Variants in SPAG9 observed in about 807,000 individuals in gnomAD.
The protein encoded by SPAG9 is sperm associated antigen 9, also known as C-Jun-amino-terminal kinase-interacting protein 4.
A neutral mutation model predicts 166.5 loss-of-function variants in SPAG9; 35 were observed. The ratio of observed to expected loss-of-function variants is 0.21; its 90% CI spans 0.16 to 0.28. SPAG9 has a LOEUF of 0.28. Ranked by LOEUF, SPAG9 falls within the 10% of genes least tolerant of loss-of-function variation. The pLI is 1.00. For synonymous variants in SPAG9, 534 were observed against 565.5 expected, an observed-to-expected ratio of 0.94 and a Z score of 0.79; for missense variants, 1,235 against 1,603.3, an observed-to-expected ratio of 0.77 and a Z score of 3.92.
intron 9 of SPAG9, chr17:51,007,888 A>G (rs564813375): frequency 2.3e-6 from 1 of 438,876 alleles, no homozygotes; most frequent in Non-Finnish European, 4.6e-6. Flanking sequence ...GCAAAAACAA[A>G]GAACAAGAAA....
At chr17:51,078,187 A>G (rs2048069035) in intron 2 of SPAG9, among the ~76,000 whole-genome samples, 2 of 152,186 alleles carry the variant, frequency 1.3e-5, no homozygotes, top group South Asian at 2.1e-4. Context: ...CCACAAGGCT[A>G]AAAACACAAA....
chr17:51,055,194 AATAC>A (rs2047328793), intron 3 of SPAG9, among the ~76,000 whole-genome samples: 1 of 152,120 alleles, frequency 6.6e-6, no homozygotes, highest in Non-Finnish European at 1.5e-5. Context: ...CTATATTAAA[AATAC>A]AAAAGTTAGC....
intron 2 of SPAG9, among the ~76,000 whole-genome samples, chr17:51,064,814 T>C (rs774531429): frequency 3.9e-5 from 6 of 152,120 alleles, no homozygotes; most frequent in Admixed American, 6.6e-5. Flanking sequence ...AACCGCTGAA[T>C]TGTACACTTC....
intron 1 of SPAG9, among the ~76,000 whole-genome samples, chr17:51,109,667 AAATT>A (rs1218855627): frequency 1.3e-5 from 2 of 152,196 alleles, no homozygotes; most frequent in African/African-American, 4.8e-5. Flanking sequence ...GTGCTCTTAA[AAATT>A]AATTCAAATT....
intron 13 of SPAG9, among the ~76,000 whole-genome samples, chr17:51,001,248 A>G (rs1410856468): frequency 6.6e-6 from 1 of 152,236 alleles, no homozygotes; most frequent in Non-Finnish European, 1.5e-5. Flanking sequence ...AGATGGCAGC[A>G]TTGGGTGAGA....
At chr17:50,977,009 C>A in intron 27 of SPAG9, 99 bp downstream of exon 27, 1 of 734,804 alleles carries the variant, frequency 1.4e-6, no homozygotes, top group East Asian at 2.5e-5. Flanking sequence ...TCTTTGCCAT[C>A]ACTGATTTTC....
intron 3 of SPAG9, among the ~76,000 whole-genome samples, chr17:51,049,803 G>A (rs2047132063): frequency 6.6e-6 from 1 of 152,122 alleles, no homozygotes; most frequent in South Asian, 2.1e-4. Flanking sequence ...TCACCATGTT[G>A]GCCAGGCTGG....
intron 1 of SPAG9, among the ~76,000 whole-genome samples, chr17:51,096,022 G>T (rs866273323): frequency 1.0e-5 from 1 of 95,270 alleles, no homozygotes; most frequent in Non-Finnish European, 2.1e-5. Flanking sequence ...TATATATAGT[G>T]ATATATATAT....
At chr17:51,065,621 C>T (rs1311267520) in intron 2 of SPAG9, among the ~76,000 whole-genome samples, 1 of 152,192 alleles carries the variant, frequency 6.6e-6, no homozygotes, top group East Asian at 1.9e-4. Context: ...CTAATGGCCC[C>T]CACTAAGGCT....
chr17:51,060,890 A>C (rs1261304237), intron 2 of SPAG9, among the ~76,000 whole-genome samples: 1 of 143,592 alleles, frequency 7.0e-6, no homozygotes, highest in African/African-American at 2.7e-5. Context: ...CTCTGTCCCC[A>C]GGCTGGAGTG....
intron 1 of SPAG9, among the ~76,000 whole-genome samples, chr17:51,083,162 T>C (rs1254098840): frequency 6.6e-6 from 1 of 152,152 alleles, no homozygotes; most frequent in East Asian, 1.9e-4. Flanking sequence ...CCAGTGTGTT[T>C]TGTTCTTTTC....
chr17:51,038,806 C>A (rs578084517), intron 5 of SPAG9, among the ~76,000 whole-genome samples: 2 of 152,278 alleles, frequency 1.3e-5, no homozygotes, highest in East Asian at 3.9e-4. Flanking sequence ...CTTGCTTTAA[C>A]AATACTTGAA....
At position 50,993,914 on chromosome 17, in the gene SPAG9, T is replaced by G. The variant is rs1267082187; in HGVS notation, c.2248A>C (p.Asn750His). 1 of 1,614,160 alleles carries G rather than the reference T, an allele frequency of 6.2e-7. No individual in the cohort carries two copies. The highest frequency in any genetic ancestry group is 2.2e-5 in the East Asian group (1 of 44,888). Residue 750 changes from asparagine (N) to histidine (H), a missense_variant, in exon 19 of 30, where the codon AAT (asparagine) becomes CAT (histidine). By Grantham distance (68) the Asn-to-His change is moderately conservative (BLOSUM62 1). Coordinates refer to ENST00000262013, the MANE Select transcript of SPAG9 (RefSeq NM_001130528.3). Reference sequence around the variant, plus strand: ...ACTAGACTGGATAATTCTTCTTGATTTTTTAACTCCTTCTGCTGTTCCTGT... The same window carrying G: ...ACTAGACTGGATAATTCTTCTTGATGTTTTAACTCCTTCTGCTGTTCCTGT... ...ELKEQQKELK[N>H]QEELSSLVWI...
intron 1 of SPAG9, among the ~76,000 whole-genome samples, chr17:51,116,654 C>A (rs2049296898): frequency 6.6e-6 from 1 of 152,076 alleles, no homozygotes; most frequent in African/African-American, 2.4e-5. Flanking sequence ...GTCCTAGCTA[C>A]TCAGGAGGCT....
At chr17:51,076,501 C>T (rs1177475111) in intron 2 of SPAG9, among the ~76,000 whole-genome samples, 4 of 151,816 alleles carry the variant, frequency 2.6e-5, no homozygotes, top group South Asian at 2.1e-4. Context: ...TTTGGGAGGC[C>T]GAGGCAGGCG....
chr17:51,075,362 G>GA (rs1315657754), intron 2 of SPAG9, among the ~76,000 whole-genome samples: 7 of 151,834 alleles, frequency 4.6e-5, no homozygotes, highest in African/African-American at 1.5e-4. Context: ...ATACTTTTGG[G>GA]AAAAAAAGAA....
chr17:51,037,683 ATAGTGTGTGTGTGT>A lies in SPAG9; in HGVS notation c.741+3804_741+3817del, dbSNP rs1258405716. Among the ~76,000 whole-genome samples, 239 of 101,890 alleles carry A rather than the reference ATAGTGTGTGTGTGT, an allele frequency of 2.3e-3. 5 individuals are homozygous for A. The highest frequency in any genetic ancestry group is 4.0e-3 in the Non-Finnish European group (181 of 44,868). 66.8% of individuals were successfully genotyped at this position (101,890 alleles called of 152,430 possible). ...ATGTGTTTTATATATATATATATAT[ATAGTGTGTGTGTGT>A]GTGTGTGTGTGTGTGTGTGTGTGTA... On this transcript the variant is annotated intron_variant, in intron 5 of 29. Transcript: ENST00000262013.
In SPAG9 at chr17:51,101,990, T is replaced by C. The variant is rs1234053435; in HGVS notation, c.303+18364A>G. On this transcript the variant is annotated intron_variant, in intron 1 of 29. Coordinates refer to ENST00000262013, the MANE Select transcript of SPAG9 (RefSeq NM_001130528.3). ...ATTTCCACGCCCCCAAAAATAATTG[T>C]TTATTTTTCTTTAGAACAAATGTTT... is the stretch of plus-strand genomic sequence containing the variant. Among the ~76,000 whole-genome samples, 4 of 152,282 alleles carry C rather than the reference T, an allele frequency of 2.6e-5. No homozygotes were observed. In the East Asian group the frequency reaches 7.7e-4, roughly 29 times the overall value.
Position 51,041,494 on chromosome 17 carries a change from A to T in SPAG9, c.741+7T>A, listed in dbSNP as rs775752393. The T allele has an allele frequency of 6.2e-7, 1 of 1,611,990 alleles. No individual in the cohort carries two copies. The highest frequency in any genetic ancestry group is 1.1e-5 in the South Asian group (1 of 90,630). ...AACTGACACAATTTCAGCAGCATAA[A>T]GCTTACCTTCAGGCTGGTATGAGAA... On this transcript the variant is annotated splice_region_variant and intron_variant, in intron 5 of 29. Transcript: ENST00000262013.
Sources: gnomAD v4.1 joint callset for allele counts (sites outside exome capture counted in the v4.1 genomes callset) on GRCh38, gnomAD v4.1.1 for gene constraint, MANE v1.5 for transcripts, NCBI Gene and HGNC (gene_info 2026-07-23, HGNC 2026-07-21) for gene names.